The following SH3D19 variants were observed in gnomAD, a reference collection of about 807,000 sequenced individuals.
SH3D19 encodes the protein SH3 domain containing 19, also known as SH3 domain-containing protein 19.
A neutral mutation model predicts 112.1 loss-of-function variants in SH3D19; 58 were observed. The observed-to-expected ratio is 0.52, with a 90% CI of 0.42 to 0.64. The LOEUF (loss-of-function observed/expected upper bound fraction) is 0.64, where lower values mean the gene tolerates loss of function less well. SH3D19 is among the 30% of genes least tolerant of loss of function. The pLI, the probability that SH3D19 is intolerant of heterozygous loss-of-function variation, is 0.00. For synonymous variants in SH3D19, 391 were observed against 448.5 expected (o/e 0.87, Z 1.62); for missense variants, 1,090 against 1,263.4 (o/e 0.86, Z 2.08).
chr4:151,309,091 A>G (rs1053484353), intron 1 of SH3D19, among the ~76,000 whole-genome samples: 2 of 151,504 alleles, frequency 1.3e-5, no homozygotes, highest in Non-Finnish European at 2.9e-5. Context: ...CTCGTCTTGA[A>G]CTCCTGACCT....
At chr4:151,207,501 T>C (rs2149898300) in intron 2 of SH3D19, among the ~76,000 whole-genome samples, 1 of 152,344 alleles carries the variant, frequency 6.6e-6, no homozygotes, top group South Asian at 2.1e-4. Context: ...AGGAAGTTGA[T>C]CACTGTGTGG....
intron 8 of SH3D19, 133 bp downstream of exon 8, chr4:151,165,456 A>G: frequency 1.5e-6 from 1 of 677,392 alleles, no homozygotes; most frequent in Non-Finnish European, 2.4e-6. Flanking sequence ...TTGTGAAAAA[A>G]CAATTTGCTT....
rs1311764869 is a variant in SH3D19, at chr4:151,175,360, T to C, written c.844A>G (p.Asn282Asp). ...TGGCTTTGTTCTGTGTTCATAATGTTCATCACTGCCTGACTGTCTGAGGTG... is the reference window on the plus strand; with the variant it reads ...TGGCTTTGTTCTGTGTTCATAATGTCCATCACTGCCTGACTGTCTGAGGTG... ...ASTSDSQAVM[N>D]IMNTEQSQNS... is the part of the protein sequence containing the mutation. Residue 282 changes from asparagine to aspartate, a missense_variant, in exon 7 of 20, where the codon AAC becomes GAC. Physicochemically the swap from Asn to Asp is conservative, Grantham distance 23. Transcript: ENST00000604030. 8.1e-6 allele frequency: 13 copies of C among 1,605,182 alleles called. No homozygotes were observed. The highest frequency in any genetic ancestry group is 1.1e-5 in the Non-Finnish European group (13 of 1,175,704).
chr4:151,182,226 TG>T (rs1332794698), intron 3 of SH3D19, among the ~76,000 whole-genome samples: 1 of 152,130 alleles, frequency 6.6e-6, no homozygotes, highest in Non-Finnish European at 1.5e-5. Flanking sequence ...TGACCTCAAG[TG>T]ATCCGCCCAC....
intron 2 of SH3D19, among the ~76,000 whole-genome samples, chr4:151,195,618 T>A (rs1419495688): frequency 2.0e-5 from 3 of 151,894 alleles, no homozygotes; most frequent in Non-Finnish European, 2.9e-5. Context: ...ATTTATATAT[T>A]TTTTTAATCT....
intron 1 of SH3D19, among the ~76,000 whole-genome samples, chr4:151,314,330 C>T (rs1366159198): frequency 2.0e-5 from 3 of 152,162 alleles, no homozygotes; most frequent in African/African-American, 4.8e-5. Flanking sequence ...ATTTTGGTAC[C>T]CTTCCACTTG....
intron 1 of SH3D19, among the ~76,000 whole-genome samples, chr4:151,313,719 T>C (rs2126381295): frequency 6.6e-6 from 1 of 152,338 alleles, no homozygotes; most frequent in Non-Finnish European, 1.5e-5. Flanking sequence ...AGTTACACTT[T>C]CACTGAGAGT....
At chr4:151,136,120 C>T (rs2149747884) in intron 14 of SH3D19, among the ~76,000 whole-genome samples, 1 of 152,270 alleles carries the variant, frequency 6.6e-6, no homozygotes, top group East Asian at 1.9e-4. Context: ...CTGTATTTAG[C>T]AAACTAAGTG....
At chr4:151,299,516 G>T (rs1379780702) in intron 1 of SH3D19, among the ~76,000 whole-genome samples, 4 of 146,470 alleles carry the variant, frequency 2.7e-5, no homozygotes, top group Non-Finnish European at 6.0e-5. Flanking sequence ...GGAGGCGGAG[G>T]TTGCGGTGAG....
intron 1 of SH3D19, chr4:151,277,250 G>T: frequency 6.8e-7 from 1 of 1,466,424 alleles, no homozygotes; most frequent in Non-Finnish European, 9.1e-7. Context: ...GGGTTGAGAA[G>T]GCAGAGGCAG....
In SH3D19 at chr4:151,199,790, C is replaced by G. The variant is rs531788485; in HGVS notation, c.153-12327G>C. The stretch of plus-strand genomic sequence containing the variant: ...TCTACAAGGAAAACAAGTCCCCAAA[C>G]TACGAAATAGTATAATCCCAATGTT... On this transcript the variant is annotated intron_variant, in intron 2 of 19. Transcript: ENST00000604030. Among the ~76,000 whole-genome samples, 270 of 152,300 alleles carry G rather than the reference C, an allele frequency of 1.8e-3. 1 individual carries two copies. Among genetic ancestry groups the G allele is most frequent in the African/African-American group, 6.1e-3 (255 of 41,558 alleles).
intron 1 of SH3D19, among the ~76,000 whole-genome samples, chr4:151,263,475 C>T (rs1198516874): frequency 1.3e-5 from 2 of 152,206 alleles, no homozygotes; most frequent in Non-Finnish European, 2.9e-5. Context: ...TTATCTATTG[C>T]AGTACAACAA....
intron 9 of SH3D19, among the ~76,000 whole-genome samples, chr4:151,155,940 A>C (rs1756025187): frequency 6.6e-6 from 1 of 152,152 alleles, no homozygotes; most frequent in African/African-American, 2.4e-5. Context: ...CTACCAAAAA[A>C]ACCCTCTTAG....
chr4:151,216,506 T>C (rs1767128963), intron 2 of SH3D19, among the ~76,000 whole-genome samples: 1 of 152,132 alleles, frequency 6.6e-6, no homozygotes, highest in Admixed American at 6.5e-5. Flanking sequence ...TAAATTATAC[T>C]GCAGAAAGGT....
chr4:151,242,043 T>C (rs1473001048), intron 1 of SH3D19, among the ~76,000 whole-genome samples: 9 of 151,656 alleles, frequency 5.9e-5, no homozygotes, highest in Non-Finnish European at 1.2e-4. Flanking sequence ...AACAAAAAAT[T>C]TGGCAGGCAT....
intron 3 of SH3D19, among the ~76,000 whole-genome samples, chr4:151,181,068 C>T (rs955832957): frequency 1.3e-5 from 2 of 151,990 alleles, no homozygotes; most frequent in South Asian, 2.1e-4. Context: ...CCACCACGCC[C>T]GGCCTACCTC....
rs1180638143 is a variant in SH3D19, at chr4:151,121,539, T to C, written c.*552A>G. The C allele has an allele frequency of 6.6e-6, 1 of 152,284 alleles. No homozygotes were observed. The highest frequency in any genetic ancestry group is 1.5e-5 in the Non-Finnish European group (1 of 68,046). 9.4% of individuals were successfully genotyped at this position (152,284 alleles called of 1,614,324 possible). ...TGGTGGGCAGGGGCTGATTTCACCA[T>C]GTGCTTACAAATGCTCCAACTAGTC... is the stretch of plus-strand genomic sequence containing the variant. On this transcript the variant is annotated 3_prime_UTR_variant, in exon 20 of 20. Transcript: ENST00000604030.
rs1383470013 is a variant in SH3D19 at position 151,122,172 on chromosome 4, A to T, written c.3063T>A (p.Asp1021Glu). 6.2e-7 allele frequency: 1 copy of T among 1,609,984 alleles called. No individual in the cohort carries two copies. The highest frequency in any genetic ancestry group is 8.5e-7 in the Non-Finnish European group (1 of 1,176,454). Residue 1021 changes from aspartate to glutamate, a missense_variant, in exon 20 of 20, where the codon GAT becomes GAA. Physicochemically the swap from Asp to Glu is conservative, Grantham distance 45 (BLOSUM62 2). Coordinates refer to ENST00000604030, the MANE Select transcript of SH3D19 (RefSeq NM_001378122.1). ...GDIITELESVDDDWMSGELMG... is the reference protein window; with the variant it reads ...GDIITELESVEDDWMSGELMG... ...TAAGTTCTCCACTCATCCAGTCATC[A>T]TCTACAGATTCCAGCTCTGTTATTA...
intron 1 of SH3D19, among the ~76,000 whole-genome samples, chr4:151,304,685 T>C (rs1039721521): frequency 2.6e-5 from 4 of 152,232 alleles, no homozygotes; most frequent in South Asian, 2.1e-4. Context: ...GTTGGGAAGA[T>C]AGGCTAGAGA....
Sources: gnomAD v4.1 joint callset for allele counts (sites outside exome capture counted in the v4.1 genomes callset) on GRCh38, gnomAD v4.1.1 for gene constraint, MANE v1.5 for transcripts, NCBI Gene and HGNC (gene_info 2026-07-23, HGNC 2026-07-21) for gene names.